The following ABHD3 variants were observed in gnomAD, a reference collection of about 807,000 sequenced individuals.
ABHD3 encodes phospholipase ABHD3.
In ABHD3, 46 loss-of-function variants were observed where a neutral mutation model predicts 48.8. The ratio of observed to expected loss-of-function variants is 0.94; its 90% confidence interval spans 0.74 to 1.20. ABHD3 has a LOEUF of 1.20. Among genes scored for constraint, ABHD3 ranks in the 50% most tolerant of loss-of-function variants. ABHD3 has a pLI of 0.00. For synonymous variants in ABHD3, 192 were observed against 183.7 expected (o/e 1.04, Z -0.36); for missense variants, 490 against 497.8 (o/e 0.98, Z 0.15).
At chr18:21,667,553 T>C (rs1410532997) in intron 4 of ABHD3, among the ~76,000 whole-genome samples, 1 of 152,134 alleles carries the variant, frequency 6.6e-6, no homozygotes, top group Non-Finnish European at 1.5e-5. Flanking sequence ...AAATTATAAT[T>C]TTTAACAATT....
intron 8 of ABHD3, among the ~76,000 whole-genome samples, chr18:21,652,783 AAG>A (rs2039254501): frequency 6.9e-6 from 1 of 145,732 alleles, no homozygotes; most frequent in Middle Eastern, 3.7e-3. Flanking sequence ...AAAAAAAAGA[AAG>A]AGCTCACGCC....
intron 3 of ABHD3, among the ~76,000 whole-genome samples, chr18:21,695,612 T>C (rs117710634): frequency 0.014 from 2,096 of 149,880 alleles, 22 homozygotes; most frequent in Middle Eastern, 0.024. Flanking sequence ...TTTAATGGCA[T>C]TAAATTTGCC....
chr18:21,684,088 G>T (rs2040072015), intron 3 of ABHD3, 123 bp from the exon 4 acceptor site: 2 of 837,018 alleles, frequency 2.4e-6, no homozygotes, highest in Non-Finnish European at 3.6e-6. Context: ...CTGTCTTGTA[G>T]TTGTAATGTT....
At chr18:21,691,144 A>G (rs543153794) in intron 3 of ABHD3, among the ~76,000 whole-genome samples, 1 of 152,322 alleles carries the variant, frequency 6.6e-6, no homozygotes, top group South Asian at 2.1e-4. Context: ...CGAAGTGGCT[A>G]TGATAATATC....
At chr18:21,695,131 C>T (rs2040340961) in intron 3 of ABHD3, among the ~76,000 whole-genome samples, 1 of 152,152 alleles carries the variant, frequency 6.6e-6, no homozygotes. Flanking sequence ...CTCCTGGGTT[C>T]AAGCGATTCT....
intron 4 of ABHD3, among the ~76,000 whole-genome samples, chr18:21,679,653 C>T (rs1258885041): frequency 6.6e-6 from 1 of 151,632 alleles, no homozygotes; most frequent in Non-Finnish European, 1.5e-5. Context: ...CTCAGCCTCC[C>T]GAGTAGCTGG....
chr18:21,661,300 G>A (rs2039489342), intron 5 of ABHD3, among the ~76,000 whole-genome samples: 1 of 152,060 alleles, frequency 6.6e-6, no homozygotes, highest in Admixed American at 6.6e-5. Context: ...TTATTCAGGT[G>A]TAATAACAGT....
rs1256351670 is a variant in ABHD3, at chr18:21,702,500, T to C, written c.327-2A>G. On this transcript the variant is annotated splice_acceptor_variant, in intron 2 of 8. Coordinates refer to ENST00000289119, the MANE Select transcript of ABHD3 (RefSeq NM_138340.5). LOFTEE classifies it high-confidence loss of function. ...CCATCTGCAGTTTTAATAAGTTCAC[T>C]GAAAGGAATAATTCAGAAGACATTA... 2.5e-6 allele frequency: 4 copies of C among 1,585,706 alleles called. No homozygotes were observed. The highest frequency in any genetic ancestry group is 3.6e-5 in the Admixed American group (2 of 56,122).
intron 4 of ABHD3, among the ~76,000 whole-genome samples, chr18:21,669,149 A>G (rs985217404): frequency 6.6e-6 from 1 of 152,178 alleles, no homozygotes; most frequent in East Asian, 1.9e-4. Context: ...TAGAGGCTGC[A>G]GTGAGCTGTG....
intron 6 of ABHD3, 62 bp from the exon 7 acceptor site, chr18:21,657,214 G>C: frequency 6.7e-7 from 1 of 1,481,722 alleles, no homozygotes; most frequent in Non-Finnish European, 9.1e-7. Context: ...ATACTAAAAG[G>C]ACTTAAAAAC....
intron 3 of ABHD3, among the ~76,000 whole-genome samples, chr18:21,685,623 T>C (rs542526475): frequency 5.3e-5 from 8 of 152,328 alleles, no homozygotes; most frequent in Admixed American, 3.9e-4. Flanking sequence ...CAGCCTCTCA[T>C]GCTCAGGCAA....
intron 4 of ABHD3, among the ~76,000 whole-genome samples, chr18:21,678,153 C>T (rs2039929181): frequency 6.6e-6 from 1 of 151,324 alleles, no homozygotes; most frequent in Non-Finnish European, 1.5e-5. Context: ...CAAGATCTTA[C>T]TATGTTGCCT....
chr18:21,703,720 T>G lies in ABHD3; in HGVS notation c.190A>C (p.Ser64Arg), dbSNP rs2040567846. 1 of 1,613,800 alleles carries G rather than the reference T, an allele frequency of 6.2e-7. No individual in the cohort carries two copies. Among genetic ancestry groups the G allele is most frequent in the Admixed American group, 1.7e-5 (1 of 59,998 alleles). ...TGGTCTTGAAGGAAGCGGCTGAAACTCTCACCCCCGGTCACTAACTGGGGT... is the reference window on the plus strand; with the variant it reads ...TGGTCTTGAAGGAAGCGGCTGAAACGCTCACCCCCGGTCACTAACTGGGGT... ...KKPQLVTGGE[S>R]FSRFLQDHCP... Residue 64 changes from serine (S) to arginine (R), a missense_variant, in exon 2 of 9, where the codon AGT (serine) becomes CGT (arginine). Ser to Arg is a moderately radical substitution (Grantham distance 110, BLOSUM62 -1). Transcript: ENST00000289119.
chr18:21,696,019 G>A (rs1276923952), intron 3 of ABHD3, among the ~76,000 whole-genome samples: 4 of 151,902 alleles, frequency 2.6e-5, no homozygotes, highest in Non-Finnish European at 5.9e-5. Context: ...GGTAAATGAA[G>A]GCTCTCGGTT....
chr18:21,699,562 CAG>C (rs1197513261), intron 3 of ABHD3, among the ~76,000 whole-genome samples: 12 of 152,076 alleles, frequency 7.9e-5, no homozygotes, highest in African/African-American at 2.9e-4. Context: ...TATCAAGAGG[CAG>C]AGTCTATTTC....
intron 4 of ABHD3, among the ~76,000 whole-genome samples, chr18:21,670,066 G>C (rs1043250960): frequency 6.6e-6 from 1 of 152,156 alleles, no homozygotes; most frequent in Non-Finnish European, 1.5e-5. Context: ...GTTGAACAAG[G>C]CTTACAATGA....
chr18:21,665,800 A>C (rs2039610845), intron 4 of ABHD3, among the ~76,000 whole-genome samples: 1 of 150,214 alleles, frequency 6.7e-6, no homozygotes, highest in African/African-American at 2.4e-5. Context: ...TGACAGAGTG[A>C]GACTCCATCT....
chr18:21,664,117 C>A lies in ABHD3; in HGVS notation c.668+1G>T. The A allele has an allele frequency of 6.2e-7, 1 of 1,606,514 alleles. No homozygotes were observed. The stretch of plus-strand genomic sequence containing the variant: ...ATTATTTTAGAAAGGGAAAACCTTA[C>A]CCTCCCATTGAAACCCCTGCTGCCA... On this transcript the variant is annotated splice_donor_variant, in intron 5 of 8. Transcript: ENST00000289119. LOFTEE classifies it high-confidence loss of function.
At chr18:21,653,704 T>C (rs561821851) in intron 8 of ABHD3, among the ~76,000 whole-genome samples, 6 of 139,226 alleles carry the variant, frequency 4.3e-5, no homozygotes, top group Admixed American at 2.3e-4. Context: ...CTGGGCAGCA[T>C]AGCGAGACTG....
Sources: gnomAD v4.1 joint callset for allele counts (sites outside exome capture counted in the v4.1 genomes callset) on GRCh38, gnomAD v4.1.1 for gene constraint, MANE v1.5 for transcripts, NCBI Gene and HGNC (gene_info 2026-07-23, HGNC 2026-07-21) for gene names.